Variants in DMXL2 observed in about 807,000 individuals in gnomAD.
DMXL2 encodes the protein dmX-like protein 2.
A neutral mutation model predicts 331.1 loss-of-function variants in DMXL2; 103 were observed. The ratio of observed to expected loss-of-function variants is 0.31; its 90% CI spans 0.27 to 0.37. The LOEUF is 0.37. DMXL2 is among the 10% of genes least tolerant of loss of function. DMXL2 has a pLI of 1.00. For missense variants in DMXL2, 3,171 were observed against 3,642.9 expected, an observed-to-expected ratio of 0.87 and a Z score of 3.33; for synonymous variants, 1,281 against 1,252.1, an observed-to-expected ratio of 1.02 and a Z score of -0.49.
chr15:51,478,831 G>A (rs2041794302), intron 25 of DMXL2, among the ~76,000 whole-genome samples: 1 of 151,918 alleles, frequency 6.6e-6, no homozygotes, highest in Admixed American at 6.6e-5. Context: ...TGAAACAGCA[G>A]ATTTTCCAGA....
At chr15:51,514,412 A>G (rs772183220) in intron 15 of DMXL2, 30 bp downstream of exon 15, 3 of 1,282,260 alleles carry the variant, frequency 2.3e-6, no homozygotes, top group Non-Finnish European at 3.3e-6. Context: ...GCATGAAGGT[A>G]AACAAATGCA....
intron 1 of DMXL2, among the ~76,000 whole-genome samples, chr15:51,621,720 A>G (rs767388289): frequency 1.1e-4 from 16 of 151,740 alleles, no homozygotes; most frequent in Non-Finnish European, 2.4e-4. Context: ...GCACTGTTGT[A>G]AATTTTTCAC....
chr15:51,518,854 C>G (rs1322119056), intron 13 of DMXL2, among the ~76,000 whole-genome samples: 2 of 152,172 alleles, frequency 1.3e-5, no homozygotes, highest in African/African-American at 2.4e-5. Context: ...CAGAATCTCA[C>G]TCAACATCAC....
At chr15:51,576,268 T>C in intron 1 of DMXL2, 87 bp from the exon 2 acceptor site, 1 of 1,025,960 alleles carries the variant, frequency 9.7e-7, no homozygotes, top group Non-Finnish European at 1.3e-6. Flanking sequence ...TCTTAGATTT[T>C]ATTGCCATTA....
intron 5 of DMXL2, 123 bp from the exon 6 acceptor site, chr15:51,563,570 T>G (rs1468978004): frequency 1.8e-6 from 1 of 542,938 alleles, no homozygotes; most frequent in Non-Finnish European, 3.1e-6. Context: ...TGTTTTTGCT[T>G]CCCTAAAAAT....
At chr15:51,538,123 A>C in intron 10 of DMXL2, 90 bp downstream of exon 10, 1 of 1,442,348 alleles carries the variant, frequency 6.9e-7, no homozygotes, top group South Asian at 1.4e-5. Context: ...AAAAGGAGGA[A>C]GAGCGGGAAG....
intron 40 of DMXL2, 69 bp downstream of exon 40, chr15:51,455,082 G>T: frequency 7.9e-7 from 1 of 1,270,960 alleles, no homozygotes; most frequent in South Asian, 1.2e-5. Context: ...GAGATTCACT[G>T]TCTGAAACAG....
intron 39 of DMXL2, 127 bp from the exon 40 acceptor site, chr15:51,455,355 G>T: frequency 1.2e-6 from 1 of 809,128 alleles, no homozygotes; most frequent in Non-Finnish European, 2.0e-6. Context: ...TTCTGTTGCT[G>T]TCATTCCCAA....
rs558245781 is a variant in DMXL2, at chr15:51,537,444, A to C, written c.1617+44T>G. The C allele has an allele frequency of 2.6e-6, 4 of 1,517,322 alleles. No homozygotes were observed. The South Asian group carries it at 5.1e-5, about 19-fold the overall frequency. The allele number at this position is 1,517,322 out of a possible 1,614,324, so 94.0% of individuals were successfully genotyped here. ...CTCTACAAAGCATTTATTTCTTTTT[A>C]CTATTTTAAGAAATGTAATAACTAT... is the stretch of plus-strand genomic sequence containing the variant. On this transcript the variant is annotated intron_variant, in intron 11 of 43. Transcript: ENST00000560891.
chr15:51,585,552 T>A (rs1395727423), intron 1 of DMXL2, among the ~76,000 whole-genome samples: 2 of 152,084 alleles, frequency 1.3e-5, no homozygotes, highest in Non-Finnish European at 2.9e-5. Context: ...GATATATGCG[T>A]ATGTGTCCAA....
rs758198930 is a variant in DMXL2, at chr15:51,456,198, A to G, written c.8399-5T>C. 2 of 1,607,064 alleles carry G rather than the reference A, an allele frequency of 1.2e-6. No individual in the cohort carries two copies. The highest frequency in any genetic ancestry group is 3.4e-5 in the Admixed American group (2 of 58,032). Reference sequence around the variant, plus strand: ...CGTCCTGAGCACCTGTAAGATCTGAAACACAAGAGAAAAAGCAGGAAATAA... The same window carrying G: ...CGTCCTGAGCACCTGTAAGATCTGAGACACAAGAGAAAAAGCAGGAAATAA... On this transcript the variant is annotated splice_polypyrimidine_tract_variant and splice_region_variant and intron_variant, in intron 38 of 43. Transcript: ENST00000560891.
At chr15:51,617,632 AT>A (rs1271936358) in intron 1 of DMXL2, among the ~76,000 whole-genome samples, 1 of 152,170 alleles carries the variant, frequency 6.6e-6, no homozygotes, top group Non-Finnish European at 1.5e-5. Flanking sequence ...TTTCTAGTCC[AT>A]TTTCTCTTTT....
At chr15:51,562,558 G>C (rs1049618188) in intron 6 of DMXL2, among the ~76,000 whole-genome samples, 20 of 152,090 alleles carry the variant, frequency 1.3e-4, no homozygotes, top group African/African-American at 4.6e-4. Context: ...AGCTGAATGA[G>C]AGCAAAGAGA....
chr15:51,573,189 G>A (rs1449827034), intron 2 of DMXL2, among the ~76,000 whole-genome samples: 1 of 152,172 alleles, frequency 6.6e-6, no homozygotes, highest in Non-Finnish European at 1.5e-5. Flanking sequence ...AAAAAGCCAG[G>A]AAACAACAGA....
At chr15:51,451,592 T>C (rs2039142657) in intron 42 of DMXL2, 53 bp downstream of exon 42, 3 of 1,358,152 alleles carry the variant, frequency 2.2e-6, no homozygotes, top group South Asian at 1.2e-5. Context: ...CATTCCTTCA[T>C]GGTGTATTAT....
At chr15:51,598,578 C>G (rs573414224) in intron 1 of DMXL2, among the ~76,000 whole-genome samples, 1 of 152,304 alleles carries the variant, frequency 6.6e-6, no homozygotes, top group African/African-American at 2.4e-5. Context: ...ATTCTTCACT[C>G]TTTCTTTGTC....
chr15:51,588,042 T>G (rs1224000452), intron 1 of DMXL2, among the ~76,000 whole-genome samples: 1 of 152,206 alleles, frequency 6.6e-6, no homozygotes, highest in South Asian at 2.1e-4. Context: ...TAAATTTGTT[T>G]GAGTTAATTG....
intron 1 of DMXL2, among the ~76,000 whole-genome samples, chr15:51,585,744 C>G (rs1387279512): frequency 1.3e-5 from 2 of 152,140 alleles, no homozygotes; most frequent in African/African-American, 4.8e-5. Context: ...CCAACAAAAC[C>G]TGACATCTCC....
chr15:51,605,378 T>C (rs2053507868), intron 1 of DMXL2, among the ~76,000 whole-genome samples: 1 of 152,014 alleles, frequency 6.6e-6, no homozygotes, highest in Non-Finnish European at 1.5e-5. Flanking sequence ...TTTTTGTATT[T>C]TTAGTAGAGA....
Sources: allele counts gnomAD v4.1 joint callset (sites outside exome capture counted in the v4.1 genomes callset), GRCh38; gene constraint gnomAD v4.1.1; transcripts MANE v1.5; gene names NCBI Gene and HGNC (gene_info 2026-07-23, HGNC 2026-07-21).